ARFGEF2: variants seen among roughly 807,000 people sequenced by gnomAD.
The protein encoded by ARFGEF2 is brefeldin A-inhibited guanine nucleotide-exchange protein 2.
ARFGEF2 carries 74 observed loss-of-function variants against 219.9 expected under a neutral mutation model. That is an observed-to-expected ratio of 0.34 (90% CI 0.28 to 0.41). ARFGEF2 has a LOEUF of 0.41. ARFGEF2 is among the 10% of genes least tolerant of loss of function. The pLI is 1.00. For synonymous variants in ARFGEF2, 733 were observed against 799.2 expected (o/e 0.92, Z 1.40); for missense variants, 1,743 against 2,218.3 (o/e 0.79, Z 4.30).
Position 48,985,619 on chromosome 20 carries a change from C to T in ARFGEF2, c.2276+6C>T, listed in dbSNP as rs368941506. On this transcript the variant is annotated splice_donor_region_variant and intron_variant, in intron 16 of 38. Transcript: ENST00000371917. The stretch of plus-strand genomic sequence containing the variant: ...TACATAGAATGCAACCAAGGGTGAG[C>T]GCCGATTTTGAGTCCCTTCCAGATC... 82 of 1,613,746 alleles carry T rather than the reference C, an allele frequency of 5.1e-5. No homozygotes were observed. The highest frequency in any genetic ancestry group is 3.0e-4 in the Admixed American group (18 of 59,964).
At position 49,035,070 on chromosome 20, in the gene ARFGEF2, A is replaced by G. The variant is rs2091658793; in HGVS notation, c.*1871A>G. 6.6e-6 allele frequency: 1 copy of G among 152,220 alleles called. No individual in the cohort carries two copies. Among genetic ancestry groups the G allele is most frequent in the South Asian group, 2.1e-4 (1 of 4,830 alleles). 9.4% of individuals were successfully genotyped at this position (152,220 alleles called of 1,614,324 possible). A position where few individuals can be genotyped will look rare whatever the true frequency, so the allele number is the denominator to read the frequency against. On this transcript the variant is annotated 3_prime_UTR_variant, in exon 39 of 39. Transcript: ENST00000371917. ...CATGAAACCTACACTCCCTGGTATCATAGCGCGTCATCACCTCAACAAGTC... is the reference window on the plus strand; with the variant it reads ...CATGAAACCTACACTCCCTGGTATCGTAGCGCGTCATCACCTCAACAAGTC...
rs578042028 is a variant in ARFGEF2, at chr20:48,970,619, T to A, written c.1191-501T>A. 2.4e-4 allele frequency among the ~76,000 whole-genome samples: 37 copies of A among 151,808 alleles called. 1 individual carries two copies. The highest frequency in any genetic ancestry group is 7.7e-4 in the East Asian group (4 of 5,168). On this transcript the variant is annotated intron_variant, in intron 9 of 38. Transcript: ENST00000371917. ...AGAGCAAAACTCCGTCTCAAAAAAA[T>A]AAATAAATAAATAAAATAAAATAAA...
At chr20:48,951,575 G>A in intron 4 of ARFGEF2, 106 bp downstream of exon 4, 1 of 1,464,282 alleles carries the variant, frequency 6.8e-7, no homozygotes, top group Non-Finnish European at 9.5e-7. Flanking sequence ...GTGGTGCTGA[G>A]GTGGAACAGA....
intron 3 of ARFGEF2, among the ~76,000 whole-genome samples, chr20:48,948,954 C>T (rs1346823299): frequency 6.6e-6 from 1 of 152,218 alleles, no homozygotes; most frequent in Non-Finnish European, 1.5e-5. Context: ...TTTGGTGCAC[C>T]TCCCTGGAGA....
At chr20:48,997,649 T>C (rs2091400316) in intron 23 of ARFGEF2, among the ~76,000 whole-genome samples, 1 of 152,172 alleles carries the variant, frequency 6.6e-6, no homozygotes, top group South Asian at 2.1e-4. Context: ...TCACTTTCCT[T>C]GAACCGTTCT....
intron 14 of ARFGEF2, among the ~76,000 whole-genome samples, chr20:48,976,852 A>C (rs1045009574): frequency 3.3e-5 from 5 of 151,986 alleles, no homozygotes; most frequent in Non-Finnish European, 7.4e-5. Flanking sequence ...CCATTGGTGC[A>C]TTTTTTTCCA....
chr20:48,954,817 G>C (rs563316095), intron 6 of ARFGEF2, among the ~76,000 whole-genome samples: 1 of 152,044 alleles, frequency 6.6e-6, no homozygotes, highest in Admixed American at 6.6e-5. Flanking sequence ...TTCTGCTGTC[G>C]AGAGTCCTAA....
intron 1 of ARFGEF2, among the ~76,000 whole-genome samples, chr20:48,940,759 G>A (rs1302679988): frequency 6.6e-6 from 1 of 152,028 alleles, no homozygotes; most frequent in Non-Finnish European, 1.5e-5. Flanking sequence ...GTCTACAGAC[G>A]TTTTTGGTTT....
At chr20:48,997,808 C>T (rs1186014817) in intron 23 of ARFGEF2, among the ~76,000 whole-genome samples, 2 of 152,100 alleles carry the variant, frequency 1.3e-5, no homozygotes, top group Non-Finnish European at 2.9e-5. Context: ...GGCTTTTATG[C>T]CCAGTACTAA....
chr20:48,967,207 T>C (rs990323046), intron 8 of ARFGEF2, among the ~76,000 whole-genome samples: 1 of 152,226 alleles, frequency 6.6e-6, no homozygotes, highest in African/African-American at 2.4e-5. Context: ...ACTCGTGTTA[T>C]ATGCTAAGCT....
intron 16 of ARFGEF2, among the ~76,000 whole-genome samples, chr20:48,987,293 C>G (rs1454585749): frequency 2.0e-5 from 3 of 152,150 alleles, no homozygotes; most frequent in Non-Finnish European, 4.4e-5. Context: ...TTGTTGTGTT[C>G]TTCAAAATTT....
At chr20:48,939,744 C>T (rs1004197090) in intron 1 of ARFGEF2, among the ~76,000 whole-genome samples, 3 of 152,284 alleles carry the variant, frequency 2.0e-5, no homozygotes, top group East Asian at 1.9e-4. Flanking sequence ...TATACAAAGT[C>T]GGGCTTGAAG....
At chr20:48,958,383 G>A (rs75121322) in intron 6 of ARFGEF2, among the ~76,000 whole-genome samples, 2,335 of 152,146 alleles carry the variant, frequency 0.015, 67 homozygotes, top group South Asian at 0.084. Flanking sequence ...CAGAGCCCTC[G>A]CTGTTATTCA....
At chr20:48,952,452 G>A (rs2091077041) in intron 4 of ARFGEF2, among the ~76,000 whole-genome samples, 1 of 152,148 alleles carries the variant, frequency 6.6e-6, no homozygotes, top group Admixed American at 6.6e-5. Flanking sequence ...TAGAAAGCCT[G>A]CTTCAACACA....
intron 13 of ARFGEF2, 40 bp downstream of exon 13, chr20:48,974,914 T>C (rs745976208): frequency 6.6e-7 from 1 of 1,520,472 alleles, no homozygotes; most frequent in Non-Finnish European, 9.1e-7. Flanking sequence ...CCATTCATAA[T>C]AGGCTCCTAC....
At chr20:49,016,242 G>A in intron 30 of ARFGEF2, 38 bp from the exon 31 acceptor site, 1 of 1,610,502 alleles carries the variant, frequency 6.2e-7, no homozygotes, top group Non-Finnish European at 8.5e-7. Context: ...TCACTGCAGG[G>A]AGAATAGCTT....
intron 26 of ARFGEF2, among the ~76,000 whole-genome samples, chr20:49,006,850 C>T (rs2091463106): frequency 1.3e-5 from 2 of 151,048 alleles, no homozygotes; most frequent in South Asian, 4.2e-4. Context: ...TTGGTTTGCT[C>T]TCTGTGAAAG....
At chr20:48,951,287 G>A (rs761835323) in intron 3 of ARFGEF2, 36 bp from the exon 4 acceptor site, 8 of 1,612,370 alleles carry the variant, frequency 5.0e-6, no homozygotes, top group African/African-American at 1.3e-5. Flanking sequence ...TCCTAGCCAA[G>A]CAGAAATGTA....
chr20:48,945,870 A>T (rs2091022862), intron 3 of ARFGEF2, among the ~76,000 whole-genome samples: 1 of 152,204 alleles, frequency 6.6e-6, no homozygotes, highest in Non-Finnish European at 1.5e-5. Flanking sequence ...TCTCTTTAAA[A>T]AAAGGAAAAA....
Sources: allele counts gnomAD v4.1 joint callset (sites outside exome capture counted in the v4.1 genomes callset), GRCh38; gene constraint gnomAD v4.1.1; transcripts MANE v1.5; gene names NCBI Gene and HGNC (gene_info 2026-07-23, HGNC 2026-07-21).